BCAR3: variants seen among roughly 807,000 people sequenced by gnomAD.
BCAR3 encodes the protein BCAR3 adaptor protein, NSP family member, also known as breast cancer anti-estrogen resistance protein 3.
BCAR3 carries 37 observed loss-of-function variants against 80.1 expected under a neutral mutation model. The observed-to-expected ratio is 0.46, with a 90% CI of 0.36 to 0.61. The LOEUF is 0.61. Among genes scored for constraint, BCAR3 ranks in the 20% least tolerant of loss-of-function variants. BCAR3 has a pLI of 0.00. For synonymous variants in BCAR3, 389 were observed against 418.9 expected, an observed-to-expected ratio of 0.93 and a Z score of 0.87; for missense variants, 978 against 1,068.2, an observed-to-expected ratio of 0.92 and a Z score of 1.18.
At chr1:93,581,412 T>G (rs952387407) in intron 7 of BCAR3, among the ~76,000 whole-genome samples, 5 of 131,838 alleles carry the variant, frequency 3.8e-5, no homozygotes, top group African/African-American at 1.5e-4. Context: ...TATTTTAGAA[T>G]TTTTTTTTTT....
chr1:93,564,710 G>A (rs1450239083), intron 11 of BCAR3, among the ~76,000 whole-genome samples: 3 of 152,178 alleles, frequency 2.0e-5, no homozygotes, highest in Admixed American at 6.5e-5. Flanking sequence ...GGTAAGGATC[G>A]AGATTCACTT....
At chr1:93,681,428 C>T (rs1476242365) in intron 1 of BCAR3, 170 bp downstream of exon 1, 1 of 152,338 alleles carries the variant, frequency 6.6e-6, no homozygotes, top group Non-Finnish European at 1.5e-5. Context: ...CCCCCAACGC[C>T]AAATCCGCTG....
upstream of BCAR3, among the ~76,000 whole-genome samples, chr1:93,685,526 G>A (rs1176389312): frequency 6.6e-6 from 1 of 152,080 alleles, no homozygotes; most frequent in African/African-American, 2.4e-5. Flanking sequence ...TTTTTGCATA[G>A]CATTTCTTTG....
At chr1:93,600,225 C>G (rs1355120061) in intron 3 of BCAR3, among the ~76,000 whole-genome samples, 1 of 152,260 alleles carries the variant, frequency 6.6e-6, no homozygotes. Flanking sequence ...CCTCCAGAAT[C>G]CTGAGCTTTA....
intron 2 of BCAR3, among the ~76,000 whole-genome samples, chr1:93,736,469 G>A (rs1411740419): frequency 6.6e-6 from 1 of 152,238 alleles, no homozygotes; most frequent in Admixed American, 6.5e-5. Flanking sequence ...TTACAGGCGT[G>A]AGCCACCGTG....
rs2101808896 is a variant in BCAR3, at chr1:93,571,951, C to G, written c.1803-110G>C. On this transcript the variant is annotated intron_variant, in intron 8 of 11. Coordinates refer to ENST00000260502, the MANE Select transcript of BCAR3 (RefSeq NM_003567.4). ...TTTTGTGCCATTTGCTCCTTTTGCT[C>G]TAAAATGTGCCGGCAGCACAGTTTA... 3.1e-6 allele frequency: 4 copies of G among 1,278,890 alleles called. No individual in the cohort carries two copies. The South Asian group carries it at 5.8e-5, about 18-fold the overall frequency. 79.2% of individuals were successfully genotyped at this position (1,278,890 alleles called of 1,614,324 possible).
rs769244833 is a variant in BCAR3 at position 93,674,602 on chromosome 1, T to C, written c.317+12A>G. 3 of 1,610,036 alleles carry C rather than the reference T, an allele frequency of 1.9e-6. No individual in the cohort carries two copies. Among genetic ancestry groups the C allele is most frequent in the Non-Finnish European group, 2.5e-6 (3 of 1,179,166 alleles). On this transcript the variant is annotated intron_variant, in intron 2 of 11. Coordinates refer to ENST00000260502, the MANE Select transcript of BCAR3 (RefSeq NM_003567.4). ...GACAAATCATCTTCACTAGTGAAAT[T>C]ACAGAAGTTACCTGAAGGTGAAGGT...
chr1:93,825,937 T>A (rs1654357270), intron 2 of BCAR3, among the ~76,000 whole-genome samples: 1 of 152,172 alleles, frequency 6.6e-6, no homozygotes, highest in Non-Finnish European at 1.5e-5. Context: ...GTGGAACCAT[T>A]TCTGGTTTGG....
At chr1:93,684,616 G>C (rs1301596035), upstream of BCAR3, among the ~76,000 whole-genome samples, 1 of 152,234 alleles carries the variant, frequency 6.6e-6, no homozygotes, top group East Asian at 1.9e-4. Context: ...GACTCAGGAA[G>C]GTTAAGTAAC....
chr1:93,740,703 G>T (rs947763909), intron 2 of BCAR3, among the ~76,000 whole-genome samples: 2 of 152,118 alleles, frequency 1.3e-5, no homozygotes, highest in African/African-American at 4.8e-5. Context: ...CGGAGCAGAG[G>T]TCAGGGAAGA....
At chr1:93,840,359 G>A (rs1426562541) in intron 2 of BCAR3, among the ~76,000 whole-genome samples, 1 of 152,196 alleles carries the variant, frequency 6.6e-6, no homozygotes, top group African/African-American at 2.4e-5. Context: ...TTAGAGGGTT[G>A]TTATGAAGAT....
intron 2 of BCAR3, among the ~76,000 whole-genome samples, chr1:93,755,458 G>A (rs1326838616): frequency 6.6e-6 from 1 of 152,146 alleles, no homozygotes; most frequent in Non-Finnish European, 1.5e-5. Context: ...TCTTTATATT[G>A]TAGCTCTACT....
chr1:93,731,783 A>G (rs1335244627), intron 2 of BCAR3, among the ~76,000 whole-genome samples: 4 of 152,242 alleles, frequency 2.6e-5, no homozygotes, highest in Non-Finnish European at 5.9e-5. Context: ...AAAATCTCCC[A>G]AACAGTCCTT....
At chr1:93,714,946 C>T (rs1650149506) in intron 2 of BCAR3, among the ~76,000 whole-genome samples, 1 of 152,284 alleles carries the variant, frequency 6.6e-6, no homozygotes, top group African/African-American at 2.4e-5. Flanking sequence ...ATAAAATCTC[C>T]CATTCCATCT....
intron 3 of BCAR3, among the ~76,000 whole-genome samples, chr1:93,609,291 T>A (rs1408728847): frequency 6.6e-6 from 1 of 152,212 alleles, no homozygotes; most frequent in Admixed American, 6.5e-5. Flanking sequence ...AAAGCACATG[T>A]CTAACATCCC....
Position 93,562,399 on chromosome 1 carries a change from T to C in BCAR3, c.2320A>G (p.Met774Val). ...AATTCAGTCTTGCAGATTTCATTCA[T>C]TTCTTCATCTGGTTGAAAACCTAAT... is the stretch of plus-strand genomic sequence containing the variant. ...ILAGFQPDEE[M>V]NEICKTEFQM... The change falls in exon 12 of 12, where the codon ATG becomes GTG. Residue 774 changes from methionine (M) to valine (V), a missense_variant. By Grantham distance (21) the Met-to-Val change is conservative. Coordinates refer to ENST00000260502, the MANE Select transcript of BCAR3 (RefSeq NM_003567.4). 1 of 1,613,918 alleles carries C rather than the reference T, an allele frequency of 6.2e-7. No individual in the cohort carries two copies. The highest frequency in any genetic ancestry group is 8.5e-7 in the Non-Finnish European group (1 of 1,179,938).
intron 3 of BCAR3, among the ~76,000 whole-genome samples, chr1:93,699,262 C>T (rs555387740): frequency 5.9e-5 from 9 of 152,322 alleles, no homozygotes; most frequent in African/African-American, 1.7e-4. Context: ...CACTGTGTCA[C>T]CTGCAGAGTG....
At position 93,621,059 on chromosome 1, in the gene BCAR3, G is replaced by A. The variant is rs867580487; in HGVS notation, c.357+21245C>T. ...CCCGCCTAGGAAGGCAGGAACCCAGGGGCGGAGGGCGGGGTCAGTACCAGG... is the reference window on the plus strand; with the variant it reads ...CCCGCCTAGGAAGGCAGGAACCCAGAGGCGGAGGGCGGGGTCAGTACCAGG... On this transcript the variant is annotated intron_variant, in intron 3 of 11. Transcript: ENST00000260502. Among the ~76,000 whole-genome samples the A allele has an allele frequency of 2.6e-5, 4 of 152,370 alleles. No individual in the cohort carries two copies. In the South Asian group the frequency reaches 8.3e-4, roughly 32 times the overall value.
chr1:93,575,670 C>T (rs72721041), intron 8 of BCAR3, among the ~76,000 whole-genome samples: 25,071 of 152,176 alleles, frequency 0.16, 2,262 homozygotes, highest in Non-Finnish European at 0.2. Context: ...CCAGGAGACT[C>T]CAGGTGCTGG....
Sources: allele counts gnomAD v4.1 joint callset (sites outside exome capture counted in the v4.1 genomes callset), GRCh38; gene constraint gnomAD v4.1.1; transcripts MANE v1.5; gene names NCBI Gene and HGNC (gene_info 2026-07-23, HGNC 2026-07-21).